Variants in MTR observed in about 807,000 individuals in gnomAD.
MTR encodes the protein 5-methyltetrahydrofolate-homocysteine methyltransferase, also known as methionine synthase.
MTR carries 84 observed loss-of-function variants against 154.8 expected under a neutral mutation model. The observed-to-expected ratio is 0.54, with a 90% CI of 0.45 to 0.65. The LOEUF is 0.65. MTR is among the 30% of genes least tolerant of loss of function. The pLI, the probability that MTR is intolerant of heterozygous loss-of-function variation, is 0.00. For missense variants in MTR, 1,275 were observed against 1,570.2 expected (o/e 0.81, Z 3.18); for synonymous variants, 554 against 553.9 (o/e 1.00, Z 0.00).
intron 15 of MTR, among the ~76,000 whole-genome samples, chr1:236,843,723 T>G (rs1051915312): frequency 6.6e-6 from 1 of 152,228 alleles, no homozygotes; most frequent in African/African-American, 2.4e-5. Flanking sequence ...GGATTTGTAT[T>G]CACATTGGGT....
At chr1:236,829,880 A>C (rs1662509876) in intron 12 of MTR, among the ~76,000 whole-genome samples, 1 of 152,192 alleles carries the variant, frequency 6.6e-6, no homozygotes, top group Non-Finnish European at 1.5e-5. Flanking sequence ...TTTAAATTTC[A>C]TATTTTTGCT....
Position 236,895,486 on chromosome 1 carries a change from C to G in MTR, c.3534C>G (p.Pro1178=), listed in dbSNP as rs746518670. The change falls in exon 31 of 33, where the codon CCC becomes CCG. Residue 1178 remains proline, a synonymous_variant. Transcript: ENST00000366577. ...YKGIRPAPGY[P]SQPDHTEKLT... is the part of the protein sequence containing the mutation. ...GCATCCGCCCGGCTCCTGGCTACCCCAGCCAGCCCGACCACACCGAGAAGC... is the reference window on the plus strand; with the variant it reads ...GCATCCGCCCGGCTCCTGGCTACCCGAGCCAGCCCGACCACACCGAGAAGC... The G allele has an allele frequency of 6.3e-7, 1 of 1,595,772 alleles. No individual in the cohort carries two copies. Among genetic ancestry groups the G allele is most frequent in the Non-Finnish European group, 8.5e-7 (1 of 1,170,694 alleles).
intron 24 of MTR, among the ~76,000 whole-genome samples, chr1:236,878,461 T>C (rs1312367030): frequency 1.3e-5 from 2 of 152,028 alleles, no homozygotes; most frequent in African/African-American, 4.8e-5. Context: ...GTAGCGTGAG[T>C]AGAACTGGAA....
chr1:236,893,156 C>T (rs561283400), intron 29 of MTR, among the ~76,000 whole-genome samples: 2 of 152,244 alleles, frequency 1.3e-5, no homozygotes, highest in South Asian at 4.1e-4. Context: ...TTTGGGTCCC[C>T]CTCTGGCCTT....
rs1056197849 is a variant in MTR at position 236,799,898 on chromosome 1, G to A, written c.35-3530G>A. Among the ~76,000 whole-genome samples, 11 of 151,692 alleles carry A rather than the reference G, an allele frequency of 7.3e-5. No homozygotes were observed. The South Asian group carries it at 8.3e-4, about 11-fold the overall frequency. ...ATAAATTATACAATAAGTTTGTCAG[G>A]TTTCTGAAAAACCAAAGCAGATGTT... is the stretch of plus-strand genomic sequence containing the variant. On this transcript the variant is annotated intron_variant, in intron 1 of 32. Transcript: ENST00000366577.
chr1:236,853,210 G>A (rs1664020823), intron 18 of MTR, 122 bp downstream of exon 18: 2 of 1,233,194 alleles, frequency 1.6e-6, no homozygotes, highest in Admixed American at 1.8e-5. Flanking sequence ...TTGGATCACT[G>A]AAGATTTCTA....
At position 236,900,955 on chromosome 1, in the gene MTR, A is replaced by C. The variant is rs1666890861; in HGVS notation, c.*3311A>C. The C allele has an allele frequency of 6.5e-6, 1 of 152,890 alleles. No individual in the cohort carries two copies. Among genetic ancestry groups the C allele is most frequent in the Non-Finnish European group, 1.5e-5 (1 of 68,168 alleles). The allele number at this position is 152,890 out of a possible 1,614,324, so 9.5% of individuals were successfully genotyped here. On this transcript the variant is annotated 3_prime_UTR_variant, in exon 33 of 33. Coordinates refer to ENST00000366577, the MANE Select transcript of MTR (RefSeq NM_000254.3). ...AGTTGGATACTAGACTTTGGAATTT[A>C]AAAAGAATGTCTGGAGTTAGAATTG...
At chr1:236,887,313 C>T (rs544733693) in intron 27 of MTR, among the ~76,000 whole-genome samples, 1 of 152,266 alleles carries the variant, frequency 6.6e-6, no homozygotes, top group Non-Finnish European at 1.5e-5. Flanking sequence ...GAGCCTGGAG[C>T]TCGGGGTTCT....
intron 7 of MTR, among the ~76,000 whole-genome samples, chr1:236,815,870 GC>G (rs1339513038): frequency 6.6e-6 from 1 of 152,124 alleles, no homozygotes; most frequent in Non-Finnish European, 1.5e-5. Context: ...TCTAGAAGTA[GC>G]TGATGGAAGG....
Position 236,890,886 on chromosome 1 carries a change from A to G in MTR, c.3008-247A>G, listed in dbSNP as rs115793033. On this transcript the variant is annotated intron_variant, in intron 28 of 32. Transcript: ENST00000366577. ...AGCTTTGGCTCTCTGCTTTTTGTCC[A>G]GTGGAAAACTTGAGTGGCTTGAACT... is the stretch of plus-strand genomic sequence containing the variant. Among the ~76,000 whole-genome samples the G allele has an allele frequency of 5.7e-3, 865 of 152,240 alleles. 11 individuals are homozygous for G. The highest frequency in any genetic ancestry group is 0.02 in the African/African-American group (814 of 41,526).
chr1:236,797,973 C>A (rs865832609), intron 1 of MTR, among the ~76,000 whole-genome samples: 39 of 142,260 alleles, frequency 2.7e-4, no homozygotes, highest in African/African-American at 3.3e-4. Flanking sequence ...AAAAACAAAA[C>A]AAAACAAAAC....
At chr1:236,810,182 A>G (rs1399358384) in intron 4 of MTR, among the ~76,000 whole-genome samples, 1 of 152,190 alleles carries the variant, frequency 6.6e-6, no homozygotes, top group African/African-American at 2.4e-5. Context: ...TGGTTTCGTG[A>G]TGATATGTGT....
intron 15 of MTR, among the ~76,000 whole-genome samples, chr1:236,848,472 G>A (rs946463308): frequency 6.6e-6 from 1 of 152,170 alleles, no homozygotes; most frequent in African/African-American, 2.4e-5. Context: ...GCTGTCTGGT[G>A]AAGGGTAGAC....
chr1:236,872,792 G>T (rs1665214195), intron 22 of MTR, among the ~76,000 whole-genome samples: 1 of 152,182 alleles, frequency 6.6e-6, no homozygotes, highest in African/African-American at 2.4e-5. Context: ...GATCACTTGA[G>T]CCCAGGAGTT....
At chr1:236,838,344 T>C (rs1337167532) in intron 14 of MTR, 70 bp from the exon 15 acceptor site, 15 of 1,473,588 alleles carry the variant, frequency 1.0e-5, no homozygotes, top group Non-Finnish European at 1.2e-5. Context: ...GGGAATACTT[T>C]GGAGCCTTTG....
chr1:236,844,489 T>TA (rs1663455467), intron 15 of MTR, among the ~76,000 whole-genome samples: 1 of 101,380 alleles, frequency 9.9e-6, no homozygotes, highest in African/African-American at 3.1e-5. Flanking sequence ...TGTGTGTGTG[T>TA]GTGTGTGTGT....
intron 32 of MTR, among the ~76,000 whole-genome samples, 192 bp downstream of exon 32, chr1:236,897,310 G>GCGCGCGCGCGCGCGCGCACACA: frequency 5.4e-5 from 7 of 128,676 alleles, no homozygotes; most frequent in Admixed American, 3.0e-4. Context: ...CCACACACAC[G>GCGCGCGCGCGCGCGCGCACACA]CACACACACA....
intron 6 of MTR, 55 bp from the exon 7 acceptor site, chr1:236,815,549 C>G (rs1661539504): frequency 1.9e-6 from 3 of 1,567,174 alleles, no homozygotes; most frequent in African/African-American, 2.7e-5. Context: ...GGAAGTTAGA[C>G]TAATCTTGGA....
chr1:236,818,600 T>C (rs979267660), intron 8 of MTR, among the ~76,000 whole-genome samples: 10 of 152,266 alleles, frequency 6.6e-5, no homozygotes, highest in Admixed American at 6.5e-4. Flanking sequence ...ACAGAGAGAA[T>C]GTATTTGCTC....
Sources: gnomAD v4.1 joint callset for allele counts (sites outside exome capture counted in the v4.1 genomes callset) on GRCh38, gnomAD v4.1.1 for gene constraint, MANE v1.5 for transcripts, NCBI Gene and HGNC (gene_info 2026-07-23, HGNC 2026-07-21) for gene names.